Variants in SNTG1 observed in about 807,000 individuals in gnomAD.
The protein encoded by SNTG1 is syntrophin gamma 1, also known as gamma-1-syntrophin.
A neutral mutation model predicts 74.7 loss-of-function variants in SNTG1; 39 were observed. The observed-to-expected ratio is 0.52, with a 90% CI of 0.40 to 0.68. The LOEUF (loss-of-function observed/expected upper bound fraction) is 0.68. SNTG1 is among the 30% of genes least tolerant of loss of function. The pLI, the probability that SNTG1 is intolerant of heterozygous loss-of-function variation, is 0.00. For missense variants in SNTG1, 685 were observed against 609.5 expected, an observed-to-expected ratio of 1.12 and a Z score of -1.30; for synonymous variants, 254 against 217.1, an observed-to-expected ratio of 1.17 and a Z score of -1.49.
At chr8:50,030,942 T>C (rs1396588179) in intron 1 of SNTG1, among the ~76,000 whole-genome samples, 1 of 151,986 alleles carries the variant, frequency 6.6e-6, no homozygotes, top group Non-Finnish European at 1.5e-5. Context: ...TTGACATATT[T>C]ACTATGTTGA....
intron 18 of SNTG1, 21 bp downstream of exon 18, chr8:50,752,132 A>G (rs761654557): frequency 1.6e-5 from 22 of 1,363,118 alleles, no homozygotes; most frequent in Non-Finnish European, 1.4e-5. Context: ...GAAATTCATC[A>G]CATAACACCT....
intron 2 of SNTG1, among the ~76,000 whole-genome samples, chr8:50,356,103 T>G (rs1170389217): frequency 6.6e-6 from 1 of 152,188 alleles, no homozygotes; most frequent in Non-Finnish European, 1.5e-5. Flanking sequence ...ATTCTGATTT[T>G]CCATCCATGT....
At chr8:50,304,264 A>C (rs2089780625) in intron 2 of SNTG1, among the ~76,000 whole-genome samples, 1 of 152,114 alleles carries the variant, frequency 6.6e-6, no homozygotes, top group Admixed American at 6.5e-5. Context: ...GCCCTCACCA[A>C]ATGCTGAGCA....
intron 13 of SNTG1, among the ~76,000 whole-genome samples, chr8:50,606,517 C>G (rs2094813791): frequency 6.6e-6 from 1 of 151,848 alleles, no homozygotes; most frequent in Non-Finnish European, 1.5e-5. Flanking sequence ...ATTATGTTAT[C>G]TACATAAATA....
chr8:50,224,919 A>G (rs1269694999), intron 2 of SNTG1, among the ~76,000 whole-genome samples: 3 of 152,150 alleles, frequency 2.0e-5, no homozygotes, highest in Non-Finnish European at 4.4e-5. Context: ...TTCTCTTTTC[A>G]GGCTTTTTCC....
intron 13 of SNTG1, among the ~76,000 whole-genome samples, chr8:50,645,432 T>G (rs2095102308): frequency 6.6e-6 from 1 of 152,158 alleles, no homozygotes; most frequent in Non-Finnish European, 1.5e-5. Context: ...CCTCCAAAAT[T>G]TAAATATCTT....
chr8:50,708,637 C>CA, intron 16 of SNTG1: 1 of 465,230 alleles, frequency 2.1e-6, no homozygotes, highest in Non-Finnish European at 3.8e-6. Flanking sequence ...AATGTACAGA[C>CA]AAAACTAGAG....
intron 1 of SNTG1, among the ~76,000 whole-genome samples, chr8:50,157,096 G>C (rs1474267979): frequency 6.6e-6 from 1 of 152,056 alleles, no homozygotes; most frequent in Non-Finnish European, 1.5e-5. Context: ...ATGGAATACT[G>C]ATAGATGCAA....
At chr8:50,708,652 C>T in intron 16 of SNTG1, 1 of 493,606 alleles carries the variant, frequency 2.0e-6, no homozygotes, top group Non-Finnish European at 3.6e-6. Flanking sequence ...CTAGAGGGAG[C>T]AGGATTGGAA....
chr8:50,242,280 G>C (rs576090177), intron 2 of SNTG1, among the ~76,000 whole-genome samples: 11 of 151,878 alleles, frequency 7.2e-5, no homozygotes, highest in Non-Finnish European at 1.5e-4. Flanking sequence ...TGTAATCCCA[G>C]GACTTTGGGA....
intron 8 of SNTG1, among the ~76,000 whole-genome samples, chr8:50,477,036 A>G (rs1258929781): frequency 6.6e-6 from 1 of 152,204 alleles, no homozygotes; most frequent in Admixed American, 6.5e-5. Flanking sequence ...TATGAAATAC[A>G]TATCTATGAG....
chr8:50,723,632 T>C (rs1470143220), intron 17 of SNTG1, among the ~76,000 whole-genome samples: 1 of 152,192 alleles, frequency 6.6e-6, no homozygotes, highest in Non-Finnish European at 1.5e-5. Flanking sequence ...TTTTAATATG[T>C]TTATTTTACA....
chr8:50,350,300 T>C (rs903199330), intron 2 of SNTG1, among the ~76,000 whole-genome samples: 1 of 151,976 alleles, frequency 6.6e-6, no homozygotes, highest in African/African-American at 2.4e-5. Context: ...GGCTGAGGAG[T>C]GTGGGCGCAC....
At chr8:50,694,160 T>C (rs971091800) in intron 15 of SNTG1, among the ~76,000 whole-genome samples, 3 of 151,532 alleles carry the variant, frequency 2.0e-5, no homozygotes, top group African/African-American at 4.8e-5. Context: ...ATGAAGTTTT[T>C]TTTTTTGAAA....
chr8:50,301,457 A>T (rs1410707482), intron 2 of SNTG1, among the ~76,000 whole-genome samples: 1 of 152,142 alleles, frequency 6.6e-6, no homozygotes, highest in Non-Finnish European at 1.5e-5. Context: ...TATATTTCAT[A>T]ATTTATCATC....
chr8:50,349,994 G>A (rs2091601085), intron 2 of SNTG1, among the ~76,000 whole-genome samples: 1 of 152,220 alleles, frequency 6.6e-6, no homozygotes, highest in African/African-American at 2.4e-5. Flanking sequence ...GCGTGGGCTT[G>A]GCGGCCCCAC....
chr8:50,736,512 G>A (rs146972047), intron 17 of SNTG1, among the ~76,000 whole-genome samples: 11 of 152,062 alleles, frequency 7.2e-5, no homozygotes, highest in East Asian at 1.9e-4. Context: ...ATATAAGACC[G>A]ATCAACAAGA....
intron 4 of SNTG1, among the ~76,000 whole-genome samples, chr8:50,413,999 C>T (rs2092984066): frequency 1.3e-5 from 2 of 152,118 alleles, no homozygotes; most frequent in African/African-American, 4.8e-5. Context: ...TCTTGTTAGA[C>T]AATCCTATTT....
At chr8:50,711,840 C>G (rs2095462482) in intron 17 of SNTG1, among the ~76,000 whole-genome samples, 1 of 152,156 alleles carries the variant, frequency 6.6e-6, no homozygotes, top group Non-Finnish European at 1.5e-5. Context: ...CATTACTGTA[C>G]AGCTCAGCTT....
Sources: gnomAD v4.1 joint callset for allele counts (sites outside exome capture counted in the v4.1 genomes callset) on GRCh38, gnomAD v4.1.1 for gene constraint, MANE v1.5 for transcripts, NCBI Gene and HGNC (gene_info 2026-07-23, HGNC 2026-07-21) for gene names.